MAML3: variants seen among roughly 807,000 people sequenced by gnomAD.
The protein encoded by MAML3 is mastermind like transcriptional coactivator 3.
In MAML3, 27 loss-of-function variants were observed where a neutral mutation model predicts 101.9. The observed-to-expected ratio is 0.27, with a 90% CI of 0.20 to 0.37. The LOEUF is 0.37. Ranked by LOEUF, MAML3 falls within the 10% of genes least tolerant of loss-of-function variation. The pLI is 1.00. For missense variants in MAML3, 1,316 were observed against 1,444.9 expected (o/e 0.91, Z 1.45); for synonymous variants, 501 against 555.9 (o/e 0.90, Z 1.39).
chr4:140,027,646 TGAA>T (rs1726848387), intron 1 of MAML3, among the ~76,000 whole-genome samples: 1 of 152,230 alleles, frequency 6.6e-6, no homozygotes, highest in Non-Finnish European at 1.5e-5. Flanking sequence ...AGATAATTAA[TGAA>T]GATGTTAAAT....
At chr4:139,734,112 A>G (rs1277198593) in intron 2 of MAML3, among the ~76,000 whole-genome samples, 1 of 152,246 alleles carries the variant, frequency 6.6e-6, no homozygotes, top group African/African-American at 2.4e-5. Context: ...GGTGTATTCC[A>G]AAGTGTGAAA....
chr4:139,820,967 T>C (rs941595919), intron 2 of MAML3, among the ~76,000 whole-genome samples: 28 of 152,330 alleles, frequency 1.8e-4, no homozygotes, highest in African/African-American at 6.7e-4. Context: ...TGCTAAATTG[T>C]TCTATATCCA....
chr4:139,738,636 G>A (rs188780028), intron 2 of MAML3, among the ~76,000 whole-genome samples: 1 of 152,086 alleles, frequency 6.6e-6, no homozygotes, highest in Non-Finnish European at 1.5e-5. Context: ...ACATTTTGCC[G>A]ATTCCTTCCT....
chr4:139,878,792 C>T (rs771236210), intron 2 of MAML3, among the ~76,000 whole-genome samples: 2 of 152,176 alleles, frequency 1.3e-5, no homozygotes, highest in Admixed American at 6.5e-5. Context: ...TGGCTGACCT[C>T]TGTGCCTGAG....
intron 1 of MAML3, among the ~76,000 whole-genome samples, chr4:139,922,190 C>G (rs939226264): frequency 6.6e-6 from 1 of 152,076 alleles, no homozygotes; most frequent in South Asian, 2.1e-4. Flanking sequence ...TGTCCTCCCC[C>G]TTCTGCTCCC....
intron 1 of MAML3, among the ~76,000 whole-genome samples, chr4:139,969,194 C>T (rs11734879): frequency 0.3 from 45,449 of 150,920 alleles, 7,844 homozygotes; most frequent in East Asian, 0.62. Context: ...CTCCTTCTCC[C>T]CTTTGCAGAC....
chr4:139,895,935 G>A (rs1043818782), intron 1 of MAML3, among the ~76,000 whole-genome samples: 1 of 152,160 alleles, frequency 6.6e-6, no homozygotes. Flanking sequence ...TATATTTCAT[G>A]TATCTGCATT....
At chr4:140,080,633 C>T (rs1727847959) in intron 1 of MAML3, among the ~76,000 whole-genome samples, 1 of 152,218 alleles carries the variant, frequency 6.6e-6, no homozygotes, top group South Asian at 2.1e-4. Flanking sequence ...TCTAAAATTG[C>T]AGTTGGTAAG....
chr4:140,012,522 T>C (rs2110862611), intron 1 of MAML3, among the ~76,000 whole-genome samples: 1 of 152,358 alleles, frequency 6.6e-6, no homozygotes, highest in South Asian at 2.1e-4. Context: ...GACTTCACAC[T>C]TGTATTTCTA....
chr4:140,123,414 AC>A (rs1229091372), intron 1 of MAML3, among the ~76,000 whole-genome samples: 2 of 152,196 alleles, frequency 1.3e-5, no homozygotes, highest in Non-Finnish European at 2.9e-5. Flanking sequence ...AATTGTGAGT[AC>A]TTTTTTTTTA....
intron 2 of MAML3, among the ~76,000 whole-genome samples, chr4:139,781,549 A>G (rs1248202688): frequency 6.6e-6 from 1 of 150,644 alleles, no homozygotes; most frequent in Non-Finnish European, 1.5e-5. Flanking sequence ...CAGCACACCC[A>G]TTACGGCTAT....
At chr4:140,038,670 G>A (rs1431318058) in intron 1 of MAML3, among the ~76,000 whole-genome samples, 2 of 152,172 alleles carry the variant, frequency 1.3e-5, no homozygotes, top group Non-Finnish European at 2.9e-5. Context: ...CTGTAAAAGA[G>A]GATAATAGTC....
Position 140,069,807 on chromosome 4 carries a change from T to C in MAML3, c.468+83053A>G, listed in dbSNP as rs138302680. Among the ~76,000 whole-genome samples the C allele has an allele frequency of 4.8e-3, 715 of 150,362 alleles. 4 individuals are homozygous for C. Among genetic ancestry groups the C allele is most frequent in the African/African-American group, 0.017 (685 of 40,422 alleles). On this transcript the variant is annotated intron_variant, in intron 1 of 4. Transcript: ENST00000509479. ...ATCATACCATGGAGAAAGATCGAAC[T>C]GGAGTCCTTAAAAAAAAAAAAATCT...
At chr4:139,730,825 C>G (rs943466738) in intron 2 of MAML3, 158 bp from the exon 3 acceptor site, 26 of 649,416 alleles carry the variant, frequency 4.0e-5, no homozygotes, top group Non-Finnish European at 6.6e-5. Context: ...AACGTAGCTT[C>G]AAACCCGACC....
At chr4:140,060,382 A>AAAAAAAAAAAAAAAAAAAAAAAAAAAAAC (rs1560880625) in intron 1 of MAML3, among the ~76,000 whole-genome samples, 1 of 148,552 alleles carries the variant, frequency 6.7e-6, no homozygotes, top group Non-Finnish European at 1.5e-5. Flanking sequence ...AAAAAAAAAA[A>AAAAAAAAAAAAAAAAAAAAAAAAAAAAAC]AAAGTCACAA....
chr4:139,867,510 T>C (rs1731922897), intron 2 of MAML3, among the ~76,000 whole-genome samples: 1 of 152,224 alleles, frequency 6.6e-6, no homozygotes, highest in African/African-American at 2.4e-5. Flanking sequence ...CCATATTTAA[T>C]GTTGCCTGCA....
intron 1 of MAML3, among the ~76,000 whole-genome samples, chr4:140,031,342 T>C (rs1341495875): frequency 6.6e-6 from 1 of 152,198 alleles, no homozygotes; most frequent in African/African-American, 2.4e-5. Context: ...AGATTTTGTG[T>C]GTATAATATT....
At chr4:140,085,258 T>C (rs773615843) in intron 1 of MAML3, among the ~76,000 whole-genome samples, 38 of 152,328 alleles carry the variant, frequency 2.5e-4, no homozygotes, top group Non-Finnish European at 4.4e-4. Context: ...AATGGGTAGT[T>C]AAACATTTGC....
intron 1 of MAML3, among the ~76,000 whole-genome samples, chr4:139,912,124 G>A (rs1350114163): frequency 1.3e-5 from 2 of 152,164 alleles, no homozygotes; most frequent in African/African-American, 4.8e-5. Flanking sequence ...TTGAGAAACT[G>A]ACATACTGTT....
Sources: allele counts gnomAD v4.1 joint callset (sites outside exome capture counted in the v4.1 genomes callset), GRCh38; gene constraint gnomAD v4.1.1; transcripts MANE v1.5; gene names NCBI Gene and HGNC (gene_info 2026-07-23, HGNC 2026-07-21).